Variants in P2RX5 observed in about 807,000 individuals in gnomAD.
P2RX5 encodes the protein purinergic receptor P2X 5.
In P2RX5, 46 loss-of-function variants were observed where a neutral mutation model predicts 54.1. The ratio of observed to expected loss-of-function variants is 0.85; its 90% CI spans 0.67 to 1.09. The LOEUF (loss-of-function observed/expected upper bound fraction) is 1.09, where lower values mean the gene tolerates loss of function less well. Among genes scored for constraint, P2RX5 ranks in the 50% least tolerant of loss-of-function variants. P2RX5 has a pLI of 0.00. For missense variants in P2RX5, 566 were observed against 549.8 expected (o/e 1.03, Z -0.29); for synonymous variants, 226 against 226.4 (o/e 1.00, Z 0.02).
the P2RX5 span, chr17:3,714,929 T>C: frequency 1.2e-6 from 2 of 1,602,694 alleles, no homozygotes; most frequent in African/African-American, 2.7e-5. Context: ...ATATTTTCTT[T>C]TAAAAAAGCC....
chr17:3,723,481 T>C, the P2RX5 span: 8 of 1,052,000 alleles, frequency 7.6e-6, no homozygotes, highest in South Asian at 1.3e-5. Flanking sequence ...GGTCCCAGAA[T>C]AGAGGGTGTG....
Position 3,689,536 on chromosome 17 carries a change from C to A in P2RX5, c.709G>T (p.Val237Leu). 1.9e-6 allele frequency: 3 copies of A among 1,614,192 alleles called. No homozygotes were observed. The highest frequency in any genetic ancestry group is 2.5e-6 in the Non-Finnish European group (3 of 1,180,032). ...AAGTCGCTCCCGGCCCAGCGGATCACGGAGCCCAGTCGGAAGATGGGGCAG... is the reference window on the plus strand; with the variant it reads ...AAGTCGCTCCCGGCCCAGCGGATCAAGGAGCCCAGTCGGAAGATGGGGCAG... Reference protein sequence around the residue: ...HYCPIFRLGSVIRWAGSDFQD... With the variant: ...HYCPIFRLGSLIRWAGSDFQD... Residue 237 changes from valine to leucine, a missense_variant, in exon 7 of 12, where the codon GTG becomes TTG. Val to Leu is a conservative substitution (Grantham distance 32). Transcript: ENST00000225328.
intron 10 of P2RX5, among the ~76,000 whole-genome samples, chr17:3,680,922 C>T (rs2050257268): frequency 6.9e-6 from 1 of 145,000 alleles, no homozygotes; most frequent in Middle Eastern, 3.4e-3. Context: ...ACCCTGCATC[C>T]TCCACCCTGC....
the P2RX5 span, among the ~76,000 whole-genome samples, chr17:3,707,544 A>G: frequency 2.6e-5 from 4 of 152,128 alleles, no homozygotes; most frequent in African/African-American, 9.7e-5. Context: ...CAGCACTCCA[A>G]CCTTAGCCTC....
chr17:3,677,556 A>C (rs1223622828), intron 11 of P2RX5: 2 of 985,304 alleles, frequency 2.0e-6, no homozygotes, highest in African/African-American at 3.5e-5. Flanking sequence ...TTCTCTGAGC[A>C]ACCATCATTC....
At chr17:3,690,196 T>A in intron 5 of P2RX5, 46 bp from the exon 6 acceptor site, 2 of 1,536,900 alleles carry the variant, frequency 1.3e-6, no homozygotes, top group South Asian at 2.2e-5. Flanking sequence ...CCCACCCCTG[T>A]GCCCCTCCCC....
chr17:3,698,224 T>C (rs528481628), upstream of P2RX5, among the ~76,000 whole-genome samples: 5 of 152,016 alleles, frequency 3.3e-5, no homozygotes, highest in East Asian at 5.8e-4. Context: ...CCTAAGAAGA[T>C]GCCCGTCACC....
the P2RX5 span, among the ~76,000 whole-genome samples, chr17:3,712,943 C>CA: frequency 3.8e-4 from 57 of 151,302 alleles, no homozygotes; most frequent in African/African-American, 1.3e-3. Flanking sequence ...ACTCCGTCTC[C>CA]AAAAAAACAA....
Position 3,690,832 on chromosome 17 carries a change from C to G in P2RX5, c.360+124G>C, listed in dbSNP as rs574787487. On this transcript the variant is annotated intron_variant, in intron 3 of 11. Transcript: ENST00000225328. Reference sequence around the variant, plus strand: ...CCCCATATAATGCAGGAACCACACCCGGGTGCACACAGCCACCCGAGACCC... The same window carrying G: ...CCCCATATAATGCAGGAACCACACCGGGGTGCACACAGCCACCCGAGACCC... The G allele has an allele frequency of 6.2e-6, 7 of 1,133,674 alleles. No homozygotes were observed. In the Admixed American group the frequency reaches 1.4e-4, roughly 22 times the overall value. 70.2% of individuals were successfully genotyped at this position (1,133,674 alleles called of 1,614,324 possible).
chr17:3,673,887 C>G lies in P2RX5; in HGVS notation c.1260-10G>C, dbSNP rs751601357. 1 of 1,610,546 alleles carries G rather than the reference C, an allele frequency of 6.2e-7. No individual in the cohort carries two copies. Among genetic ancestry groups the G allele is most frequent in the African/African-American group, 1.3e-5 (1 of 74,806 alleles). Reference sequence around the variant, plus strand: ...GGCAATTCACGTGCTCCTGGAATATCAGAACAGAAAGGAGCTCTTGAGAGG... The same window carrying G: ...GGCAATTCACGTGCTCCTGGAATATGAGAACAGAAAGGAGCTCTTGAGAGG... On this transcript the variant is annotated splice_polypyrimidine_tract_variant and intron_variant, in intron 11 of 11. Transcript: ENST00000225328.
intron 10 of P2RX5, among the ~76,000 whole-genome samples, 176 bp from the exon 11 acceptor site, chr17:3,679,960 C>T (rs2050195392): frequency 6.7e-6 from 1 of 149,418 alleles, no homozygotes; most frequent in African/African-American, 2.6e-5. Flanking sequence ...CATCCTCCAC[C>T]CTGCTCTCTC....
chr17:3,696,019 C>G lies in P2RX5; in HGVS notation c.-14G>C. 6.2e-7 allele frequency: 1 copy of G among 1,613,024 alleles called. No homozygotes were observed. The highest frequency in any genetic ancestry group is 8.5e-7 in the Non-Finnish European group (1 of 1,179,504). On this transcript the variant is annotated 5_prime_UTR_variant, in exon 1 of 12. Coordinates refer to ENST00000225328, the MANE Select transcript of P2RX5 (RefSeq NM_002561.4). ...CGCCTGCCCCATGGCGCGCTCTCAGCCGGGCTTGCGGACCGCCCGGCCCAC... is the reference window on the plus strand; with the variant it reads ...CGCCTGCCCCATGGCGCGCTCTCAGGCGGGCTTGCGGACCGCCCGGCCCAC...
At chr17:3,676,323 T>C (rs1268983555) in intron 11 of P2RX5, 3 of 985,402 alleles carry the variant, frequency 3.0e-6, no homozygotes, top group Non-Finnish European at 3.6e-6. Flanking sequence ...GAGAAGTTCA[T>C]TACCTGAGTG....
chr17:3,709,288 T>C, the P2RX5 span, among the ~76,000 whole-genome samples: 6 of 152,130 alleles, frequency 3.9e-5, no homozygotes. Flanking sequence ...GGAAGAGCAT[T>C]GAATGAAGCA....
At chr17:3,681,435 C>T (rs1262153973) in intron 10 of P2RX5, among the ~76,000 whole-genome samples, 2 of 151,986 alleles carry the variant, frequency 1.3e-5, no homozygotes, top group Non-Finnish European at 2.9e-5. Context: ...CCCCACCGAA[C>T]CCAGGGCCCA....
upstream of P2RX5, among the ~76,000 whole-genome samples, chr17:3,699,941 A>G (rs551513898): frequency 4.1e-3 from 517 of 125,216 alleles, 4 homozygotes; most frequent in African/African-American, 0.013. Flanking sequence ...AAAGAAAGAA[A>G]GAAAGAAAGA....
the P2RX5 span, among the ~76,000 whole-genome samples, chr17:3,721,233 C>T: frequency 6.3e-5 from 5 of 79,302 alleles, no homozygotes; most frequent in African/African-American, 9.0e-5. Context: ...CCAGCTTATT[C>T]ATTTTATTTA....
At chr17:3,723,718 C>T in the P2RX5 span, 1 of 1,605,680 alleles carries the variant, frequency 6.2e-7, no homozygotes, top group Non-Finnish European at 8.5e-7. Flanking sequence ...AAGCGCGCTC[C>T]TGACTCCAGG....
Position 3,679,665 on chromosome 17 carries a change from G to GGCTCCTGCA in P2RX5, c.1175_1183dup (p.Leu392_Glu394dup). ...GCTGCTTCCACGCTTCGCCTCGGGT[G>GGCTCCTGCA]GCTCCTGCAGCTCCTGCTGCTCCGG... is the stretch of plus-strand genomic sequence containing the variant. On this transcript the variant is annotated inframe_insertion, in exon 11 of 12. Coordinates refer to ENST00000225328, the MANE Select transcript of P2RX5 (RefSeq NM_002561.4). 1 of 1,611,306 alleles carries GGCTCCTGCA rather than the reference G, an allele frequency of 6.2e-7. No individual in the cohort carries two copies. Among genetic ancestry groups the GGCTCCTGCA allele is most frequent in the East Asian group, 2.2e-5 (1 of 44,888 alleles).
Sources: gnomAD v4.1 joint callset for allele counts (sites outside exome capture counted in the v4.1 genomes callset) on GRCh38, gnomAD v4.1.1 for gene constraint, MANE v1.5 for transcripts, NCBI Gene and HGNC (gene_info 2026-07-23, HGNC 2026-07-21) for gene names.